Variants in PAK2 observed in about 807,000 individuals in gnomAD.
PAK2 encodes serine/threonine-protein kinase PAK 2.
A neutral mutation model predicts 65.9 loss-of-function variants in PAK2; 21 were observed. That is an observed-to-expected ratio of 0.32 (90% CI 0.23 to 0.46). PAK2 has a LOEUF of 0.46. Ranked by LOEUF, PAK2 falls within the 20% of genes least tolerant of loss-of-function variation. The probability of loss-of-function intolerance (pLI) is 1.00; values close to 1 mark genes in which losing one functional copy is unlikely to be tolerated. For synonymous variants in PAK2, 204 were observed against 219.7 expected, an observed-to-expected ratio of 0.93 and a Z score of 0.63; for missense variants, 324 against 642.6, an observed-to-expected ratio of 0.50 and a Z score of 5.36.
chr3:196,741,204 G>T (rs751584963), intron 1 of PAK2, among the ~76,000 whole-genome samples: 18 of 152,108 alleles, frequency 1.2e-4, no homozygotes, highest in Non-Finnish European at 1.6e-4. Flanking sequence ...TTTTTCCCCT[G>T]CTGTGTTCGA....
At chr3:196,746,791 CAAAAGT>C (rs1713395511) in intron 1 of PAK2, among the ~76,000 whole-genome samples, 1 of 125,578 alleles carries the variant, frequency 8.0e-6, no homozygotes. Context: ...GCCTGGGCAA[CAAAAGT>C]GAAACTCTGT....
chr3:196,812,795 C>G lies in PAK2; in HGVS notation c.879C>G (p.Asn293Lys). 6.3e-7 allele frequency: 1 copy of G among 1,582,350 alleles called. No homozygotes were observed. Among genetic ancestry groups the G allele is most frequent in the Non-Finnish European group, 8.7e-7 (1 of 1,151,702 alleles). ...AGCCAAAGAAGGAACTGATCATTAA[C>G]GAGATTCTGGTGATGAAAGAATTGA... ...QKQPKKELII[N>K]EILVMKELKN... The change falls in exon 10 of 15, where the codon AAC becomes AAG. Residue 293 changes from asparagine to lysine, a missense_variant. Transcript: ENST00000327134.
chr3:196,755,776 A>C (rs1378611336), intron 1 of PAK2, among the ~76,000 whole-genome samples: 1 of 149,844 alleles, frequency 6.7e-6, no homozygotes, highest in African/African-American at 2.5e-5. Context: ...TTTTTTTTTG[A>C]GACGGAGTCT....
In PAK2 at chr3:196,831,810, T is replaced by C. The variant is rs1712098707; in HGVS notation, c.*3405T>C. 6.6e-6 allele frequency: 1 copy of C among 152,172 alleles called. No homozygotes were observed. Among genetic ancestry groups the C allele is most frequent in the Admixed American group, 6.6e-5 (1 of 15,260 alleles). The allele number at this position is 152,172 out of a possible 1,614,324, so 9.4% of individuals were successfully genotyped here. A position where few individuals can be genotyped will look rare whatever the true frequency, so the allele number is the denominator to read the frequency against. ...AGATCCACATCTAGTGAAATGTCAG[T>C]GTCAAAATATTATAGATTATAGCTA... On this transcript the variant is annotated 3_prime_UTR_variant, in exon 15 of 15. Coordinates refer to ENST00000327134, the MANE Select transcript of PAK2 (RefSeq NM_002577.4).
chr3:196,780,976 G>C (rs1320540846), intron 1 of PAK2, among the ~76,000 whole-genome samples: 1 of 152,096 alleles, frequency 6.6e-6, no homozygotes, highest in African/African-American at 2.4e-5. Context: ...GTTTAGTAGA[G>C]ACGGGGTTTC....
chr3:196,767,803 GT>G (rs889671458), intron 1 of PAK2, among the ~76,000 whole-genome samples: 5 of 151,734 alleles, frequency 3.3e-5, no homozygotes, highest in Non-Finnish European at 7.4e-5. Flanking sequence ...TGAAATACAT[GT>G]TTTTATTTGT....
In PAK2 at chr3:196,831,482, C is replaced by CT. The variant is rs1468294059; in HGVS notation, c.*3078dup. 1 of 152,172 alleles carries CT rather than the reference C, an allele frequency of 6.6e-6. No individual in the cohort carries two copies. The highest frequency in any genetic ancestry group is 2.4e-5 in the African/African-American group (1 of 41,456). 9.4% of individuals were successfully genotyped at this position (152,172 alleles called of 1,614,324 possible). On this transcript the variant is annotated 3_prime_UTR_variant, in exon 15 of 15. Coordinates refer to ENST00000327134, the MANE Select transcript of PAK2 (RefSeq NM_002577.4). ...ATAAGACACTGAGGCTAATACAACT[C>CT]TGTCTTCATGTGTTGACTGCCTGGC...
intron 2 of PAK2, among the ~76,000 whole-genome samples, chr3:196,790,828 A>C (rs988952588): frequency 3.9e-5 from 6 of 152,200 alleles, no homozygotes; most frequent in African/African-American, 1.4e-4. Context: ...TGGGTAATTC[A>C]CCTGGTCGCC....
intron 1 of PAK2, among the ~76,000 whole-genome samples, chr3:196,773,248 A>G (rs1714417620): frequency 6.6e-6 from 1 of 152,234 alleles, no homozygotes; most frequent in African/African-American, 2.4e-5. Flanking sequence ...GAGAGGCACT[A>G]CTTACCGTTT....
rs750352263 is a variant in PAK2, at chr3:196,782,719, A to G, written c.73A>G (p.Thr25Ala). Residue 25 changes from threonine (T) to alanine (A), a missense_variant, in exon 2 of 15, where the codon ACT (threonine) becomes GCT (alanine). By Grantham distance (58) the Thr-to-Ala change is moderately conservative. Around this residue, in one of 5 missense-constraint regions of PAK2, gnomAD observed 42 missense variants for 67.4 expected, o/e 0.62. Coordinates refer to ENST00000327134, the MANE Select transcript of PAK2 (RefSeq NM_002577.4). ...PVRMSSTIFS[T>A]GGKDPLSANH... The stretch of plus-strand genomic sequence containing the variant: ...GCGAATGAGCAGCACCATCTTTAGC[A>G]CTGGAGGCAAAGACCCTTTGTCAGC... 14 of 1,611,324 alleles carry G rather than the reference A, an allele frequency of 8.7e-6. No homozygotes were observed. The East Asian group carries it at 2.9e-4, about 33-fold the overall frequency.
chr3:196,801,578 C>T (rs190590886), intron 2 of PAK2, among the ~76,000 whole-genome samples: 1 of 152,256 alleles, frequency 6.6e-6, no homozygotes, highest in East Asian at 1.9e-4. Flanking sequence ...TGCGGTGGCT[C>T]ACATCTGTAA....
At chr3:196,770,112 C>G (rs1476151126) in intron 1 of PAK2, among the ~76,000 whole-genome samples, 1 of 151,820 alleles carries the variant, frequency 6.6e-6, no homozygotes, top group East Asian at 1.9e-4. Flanking sequence ...TAAAAGTTAG[C>G]TGGGGATGGT....
Position 196,759,497 on chromosome 3 carries a change from TG to T in PAK2, c.-22+19341del, listed in dbSNP as rs1560092756. Among the ~76,000 whole-genome samples the T allele has an allele frequency of 2.7e-3, 296 of 109,422 alleles. 7 individuals are homozygous for T. Among genetic ancestry groups the T allele is most frequent in the Non-Finnish European group, 3.7e-3 (204 of 55,690 alleles). The allele number at this position is 109,422 out of a possible 152,430, so 71.8% of individuals were successfully genotyped here. A position where few individuals can be genotyped will look rare whatever the true frequency, so the allele number is the denominator to read the frequency against. Reference sequence around the variant, plus strand: ...AGGTATACAGTTAAGTGGTTTTTTTTGTTTTTTTTTTTTTTTTTTTTTTTTT... The same window carrying T: ...AGGTATACAGTTAAGTGGTTTTTTTTTTTTTTTTTTTTTTTTTTTTTTTTT... On this transcript the variant is annotated intron_variant, in intron 1 of 14. Coordinates refer to ENST00000327134, the MANE Select transcript of PAK2 (RefSeq NM_002577.4).
chr3:196,758,428 G>A (rs561936874), intron 1 of PAK2, among the ~76,000 whole-genome samples: 4 of 152,202 alleles, frequency 2.6e-5, no homozygotes, highest in Non-Finnish European at 5.9e-5. Context: ...GTTTTAGCAC[G>A]ACACGTCCCG....
intron 4 of PAK2, among the ~76,000 whole-genome samples, chr3:196,804,562 G>A (rs1184261101): frequency 6.6e-6 from 1 of 152,046 alleles, no homozygotes; most frequent in Admixed American, 6.6e-5. Context: ...CCGCCTCCCG[G>A]GTTCAAGCAA....
At chr3:196,755,198 C>CTT (rs1298858567) in intron 1 of PAK2, among the ~76,000 whole-genome samples, 3 of 152,158 alleles carry the variant, frequency 2.0e-5, no homozygotes, top group African/African-American at 7.2e-5. Context: ...TAGGTAATCA[C>CTT]TTAAGTAGTA....
At chr3:196,824,548 A>G (rs920902460) in intron 13 of PAK2, among the ~76,000 whole-genome samples, 1 of 152,194 alleles carries the variant, frequency 6.6e-6, no homozygotes, top group Non-Finnish European at 1.5e-5. Context: ...GAGAGTAAAA[A>G]TGATTAGTGG....
At chr3:196,813,580 T>C (rs1199917701) in intron 10 of PAK2, among the ~76,000 whole-genome samples, 2 of 152,114 alleles carry the variant, frequency 1.3e-5, no homozygotes, top group Non-Finnish European at 2.9e-5. Flanking sequence ...TTTTCTTCCA[T>C]ATTTAAATTT....
chr3:196,780,382 T>A (rs1242153113), intron 1 of PAK2, among the ~76,000 whole-genome samples: 1 of 152,194 alleles, frequency 6.6e-6, no homozygotes, highest in Non-Finnish European at 1.5e-5. Flanking sequence ...CTCACAATCA[T>A]GGCGGAAGGC....
Sources: gnomAD v4.1 joint callset for allele counts (sites outside exome capture counted in the v4.1 genomes callset) on GRCh38, gnomAD v4.1.1 for gene constraint, gnomAD v4.1.1 regional missense constraint, MANE v1.5 for transcripts, NCBI Gene and HGNC (gene_info 2026-07-23, HGNC 2026-07-21) for gene names.